EFNA5: variants seen among roughly 807,000 people sequenced by gnomAD.
The protein encoded by EFNA5 is ephrin-A5.
In EFNA5, 5 loss-of-function variants were observed where a neutral mutation model predicts 22.9. The ratio of observed to expected loss-of-function variants is 0.22; its 90% CI spans 0.11 to 0.46. The LOEUF (loss-of-function observed/expected upper bound fraction) is 0.46. Among genes scored for constraint, EFNA5 ranks in the 20% least tolerant of loss-of-function variants. EFNA5 has a pLI of 0.99. For missense variants in EFNA5, 237 were observed against 293.3 expected, an observed-to-expected ratio of 0.81 and a Z score of 1.40; for synonymous variants, 113 against 112.2, an observed-to-expected ratio of 1.01 and a Z score of -0.04.
intron 1 of EFNA5, among the ~76,000 whole-genome samples, chr5:107,445,623 G>A (rs1157669428): frequency 6.6e-6 from 1 of 152,146 alleles, no homozygotes; most frequent in Non-Finnish European, 1.5e-5. Context: ...AGGCAGGGAT[G>A]TTCGACAGAG....
chr5:107,407,031 A>C (rs1370133878), intron 2 of EFNA5, among the ~76,000 whole-genome samples: 2 of 152,236 alleles, frequency 1.3e-5, no homozygotes, highest in African/African-American at 4.8e-5. Flanking sequence ...TAAGTAGCTT[A>C]TTTTTCAACA....
At chr5:107,420,617 C>T (rs1163298561) in intron 2 of EFNA5, among the ~76,000 whole-genome samples, 13 of 151,278 alleles carry the variant, frequency 8.6e-5, no homozygotes, top group Non-Finnish European at 4.4e-5. Context: ...TTATGTATTC[C>T]TAGCATATTA....
rs1214380627 is a variant in EFNA5, at chr5:107,398,854, CAA to C, written c.419-11085_419-11084del. On this transcript the variant is annotated intron_variant, in intron 2 of 4. Transcript: ENST00000333274. ...TGGGTGACAGAATGAGACACTGCCT[CAA>C]AAAAAAAAAAAAAAAAAAAATCTTC... is the stretch of plus-strand genomic sequence containing the variant. Among the ~76,000 whole-genome samples, 147 of 65,020 alleles carry C rather than the reference CAA, an allele frequency of 2.3e-3. 1 individual carries two copies. Among genetic ancestry groups the C allele is most frequent in the Middle Eastern group, 0.019 (2 of 108 alleles). The allele number at this position is 65,020 out of a possible 152,430, so 42.7% of individuals were successfully genotyped here.
At chr5:107,630,761 T>C (rs936095838) in intron 1 of EFNA5, among the ~76,000 whole-genome samples, 9 of 152,212 alleles carry the variant, frequency 5.9e-5, no homozygotes, top group South Asian at 2.1e-4. Context: ...TTTGACTCTT[T>C]TGTAATACCA....
chr5:107,488,554 A>T (rs1048154118), intron 1 of EFNA5, among the ~76,000 whole-genome samples: 2 of 152,138 alleles, frequency 1.3e-5, no homozygotes, highest in Admixed American at 6.5e-5. Context: ...ACAAGCATCA[A>T]ATTATTTTAC....
In EFNA5 at chr5:107,420,758, T is replaced by G. The variant is rs377112041; in HGVS notation, c.418+6459A>C. ...AAATTAATTGGTTTTTTGCCATATG[T>G]GGTTTATTATGGCATTTATCCATGC... On this transcript the variant is annotated intron_variant, in intron 2 of 4. Transcript: ENST00000333274. Among the ~76,000 whole-genome samples the G allele has an allele frequency of 3.3e-5, 5 of 152,262 alleles. No homozygotes were observed. In the East Asian group the frequency reaches 9.6e-4, roughly 29 times the overall value.
At chr5:107,401,197 T>C (rs1748072629) in intron 2 of EFNA5, among the ~76,000 whole-genome samples, 2 of 152,212 alleles carry the variant, frequency 1.3e-5, no homozygotes, top group Non-Finnish European at 2.9e-5. Flanking sequence ...GATGTGCTAC[T>C]TAAGTTTTAA....
intron 1 of EFNA5, among the ~76,000 whole-genome samples, chr5:107,568,197 T>C (rs1174299712): frequency 6.6e-6 from 1 of 152,170 alleles, no homozygotes; most frequent in Non-Finnish European, 1.5e-5. Context: ...GTGCCTGGCC[T>C]ATATTCAAGC....
chr5:107,573,371 C>T (rs1236846805), intron 1 of EFNA5, among the ~76,000 whole-genome samples: 3 of 151,902 alleles, frequency 2.0e-5, no homozygotes, highest in Middle Eastern at 6.8e-3. Context: ...GAATATAGGC[C>T]CCAAGGACAA....
intron 1 of EFNA5, among the ~76,000 whole-genome samples, chr5:107,499,137 C>T (rs1239803335): frequency 2.0e-5 from 3 of 151,928 alleles, no homozygotes; most frequent in Admixed American, 6.6e-5. Context: ...AATCGAAAGA[C>T]ACAAATATAT....
chr5:107,536,398 C>T (rs1747929834), intron 1 of EFNA5, among the ~76,000 whole-genome samples: 1 of 152,210 alleles, frequency 6.6e-6, no homozygotes, highest in African/African-American at 2.4e-5. Flanking sequence ...CAGAAAATTA[C>T]TGACATAAAG....
chr5:107,596,735 G>C (rs1255383092), intron 1 of EFNA5, among the ~76,000 whole-genome samples: 1 of 152,002 alleles, frequency 6.6e-6, no homozygotes, highest in African/African-American at 2.4e-5. Context: ...GATGGAATTA[G>C]CAGGTTTTGA....
intron 2 of EFNA5, among the ~76,000 whole-genome samples, chr5:107,400,074 A>AAAT (rs1748045415): frequency 6.6e-6 from 1 of 152,322 alleles, no homozygotes; most frequent in African/African-American, 2.4e-5. Flanking sequence ...AGAATTACTG[A>AAAT]AATAAGTTTT....
At chr5:107,515,006 T>C (rs1413709731) in intron 1 of EFNA5, among the ~76,000 whole-genome samples, 9 of 152,186 alleles carry the variant, frequency 5.9e-5, no homozygotes, top group Non-Finnish European at 1.3e-4. Context: ...AACTAAGGAC[T>C]AGACATGTGC....
chr5:107,529,719 T>C (rs1010884810), intron 1 of EFNA5, among the ~76,000 whole-genome samples: 1 of 152,228 alleles, frequency 6.6e-6, no homozygotes, highest in Non-Finnish European at 1.5e-5. Context: ...CTCCTATCTT[T>C]CTTGCTTCAA....
At chr5:107,453,940 AGTGTGAGT>A (rs1314138997) in intron 1 of EFNA5, among the ~76,000 whole-genome samples, 3 of 103,362 alleles carry the variant, frequency 2.9e-5, no homozygotes, top group African/African-American at 1.5e-4. Context: ...AAACTGAAGG[AGTGTGAGT>A]GTGTGTGTGT....
intron 1 of EFNA5, among the ~76,000 whole-genome samples, chr5:107,660,456 G>A (rs1049369802): frequency 2.7e-5 from 4 of 150,642 alleles, no homozygotes; most frequent in Non-Finnish European, 4.4e-5. Context: ...CACCCATACT[G>A]AAACCAAGAA....
At chr5:107,520,315 G>A (rs1233916071) in intron 1 of EFNA5, among the ~76,000 whole-genome samples, 2 of 151,906 alleles carry the variant, frequency 1.3e-5, no homozygotes, top group Admixed American at 1.3e-4. Context: ...AAAAGGGTGG[G>A]GCCCTTCACT....
intron 1 of EFNA5, among the ~76,000 whole-genome samples, chr5:107,643,048 C>A (rs1425320039): frequency 6.6e-6 from 1 of 151,448 alleles, no homozygotes; most frequent in East Asian, 1.9e-4. Flanking sequence ...TATATTGAGA[C>A]AAATCAGTAG....
Sources: gnomAD v4.1 joint callset for allele counts (sites outside exome capture counted in the v4.1 genomes callset) on GRCh38, gnomAD v4.1.1 for gene constraint, MANE v1.5 for transcripts, NCBI Gene and HGNC (gene_info 2026-07-23, HGNC 2026-07-21) for gene names.